Variants in CRPPA observed in about 807,000 individuals in gnomAD.
CRPPA encodes the protein CDP-L-ribitol pyrophosphorylase A.
CRPPA carries 43 observed loss-of-function variants against 52.0 expected under a neutral mutation model. The observed-to-expected ratio is 0.83, with a 90% CI of 0.65 to 1.07. CRPPA has a LOEUF of 1.07. Ranked by LOEUF, CRPPA falls within the 50% of genes least tolerant of loss-of-function variation. CRPPA has a pLI of 0.00. For missense variants in CRPPA, 629 were observed against 551.7 expected (o/e 1.14, Z -1.40); for synonymous variants, 250 against 203.5 (o/e 1.23, Z -1.94).
intron 3 of CRPPA, among the ~76,000 whole-genome samples, chr7:16,352,624 A>C (rs576601869): frequency 5.9e-5 from 9 of 152,310 alleles, no homozygotes; most frequent in Middle Eastern, 3.4e-3. Context: ...GGATGTGGCA[A>C]AAAGGGAACC....
intron 9 of CRPPA, among the ~76,000 whole-genome samples, chr7:16,142,109 T>C (rs1394491535): frequency 6.6e-6 from 1 of 152,106 alleles, no homozygotes; most frequent in Non-Finnish European, 1.5e-5. Flanking sequence ...CTAAGAGACA[T>C]AAACAAGAAC....
intron 2 of CRPPA, among the ~76,000 whole-genome samples, chr7:16,395,212 A>G (rs565822276): frequency 2.0e-5 from 3 of 152,274 alleles, no homozygotes; most frequent in African/African-American, 4.8e-5. Flanking sequence ...TCTCAAGCTA[A>G]TCTATCACCA....
At chr7:16,326,177 T>C (rs1785384747) in intron 3 of CRPPA, among the ~76,000 whole-genome samples, 1 of 152,160 alleles carries the variant, frequency 6.6e-6, no homozygotes, top group Non-Finnish European at 1.5e-5. Context: ...TAATAAATAT[T>C]TCCTCAGTGT....
intron 3 of CRPPA, among the ~76,000 whole-genome samples, chr7:16,368,805 C>A (rs773914603): frequency 6.6e-6 from 1 of 152,086 alleles, no homozygotes; most frequent in Non-Finnish European, 1.5e-5. Flanking sequence ...AAATCACCAA[C>A]CTTACACACG....
At chr7:16,372,265 G>A (rs1405440092) in intron 3 of CRPPA, among the ~76,000 whole-genome samples, 1 of 152,078 alleles carries the variant, frequency 6.6e-6, no homozygotes, top group Admixed American at 6.6e-5. Context: ...CTAACGTCAA[G>A]ACAAATGAAA....
chr7:16,170,110 T>C lies in CRPPA; in HGVS notation c.1251+45956A>G, dbSNP rs1268114926. On this transcript the variant is annotated intron_variant, in intron 9 of 9. Coordinates refer to ENST00000407010, the MANE Select transcript of CRPPA (RefSeq NM_001101426.4). ...TATAAACAAATAAAATATAGAAGTA[T>C]AAATCATAATCCAAAAGTAGGATGT... Among the ~76,000 whole-genome samples, 4 of 152,338 alleles carry C rather than the reference T, an allele frequency of 2.6e-5. 1 individual carries two copies. The highest frequency in any genetic ancestry group is 6.8e-3 in the Middle Eastern group (2 of 294).
chr7:16,121,884 T>C (rs1010994540), intron 9 of CRPPA, among the ~76,000 whole-genome samples: 2 of 152,116 alleles, frequency 1.3e-5, no homozygotes, highest in Admixed American at 6.6e-5. Context: ...CCTGGCAGGA[T>C]CTGTTTTATA....
intron 9 of CRPPA, among the ~76,000 whole-genome samples, chr7:16,176,530 G>A (rs1007133663): frequency 2.0e-5 from 3 of 152,144 alleles, no homozygotes; most frequent in Non-Finnish European, 2.9e-5. Context: ...AAGTGCTATT[G>A]TAGGCATGAA....
At chr7:16,119,599 C>T (rs1185005671) in intron 9 of CRPPA, among the ~76,000 whole-genome samples, 3 of 152,082 alleles carry the variant, frequency 2.0e-5, no homozygotes, top group African/African-American at 7.2e-5. Context: ...AACAGTCATA[C>T]CTAAAACACA....
At chr7:16,384,580 C>G (rs1001786269) in intron 2 of CRPPA, among the ~76,000 whole-genome samples, 1 of 152,172 alleles carries the variant, frequency 6.6e-6, no homozygotes, top group Non-Finnish European at 1.5e-5. Context: ...CAAAGGCAGA[C>G]AATATAATAG....
chr7:16,418,424 T>G (rs1788246372), intron 1 of CRPPA, among the ~76,000 whole-genome samples: 1 of 152,082 alleles, frequency 6.6e-6, no homozygotes. Flanking sequence ...TAAAAGTGAG[T>G]GTATTAGTCT....
chr7:16,318,853 G>T (rs943010189), intron 3 of CRPPA, among the ~76,000 whole-genome samples: 14 of 152,148 alleles, frequency 9.2e-5, no homozygotes, highest in African/African-American at 3.4e-4. Flanking sequence ...GCCACTGCAA[G>T]GGCACAAAAG....
chr7:16,402,658 T>C (rs188925999), intron 2 of CRPPA, among the ~76,000 whole-genome samples: 5 of 151,622 alleles, frequency 3.3e-5, no homozygotes, highest in Admixed American at 3.3e-4. Context: ...AATTTTTAAA[T>C]GTTTGTTTTA....
chr7:16,419,038 A>G (rs1436635301), intron 1 of CRPPA, among the ~76,000 whole-genome samples: 2 of 152,216 alleles, frequency 1.3e-5, no homozygotes, highest in Admixed American at 6.5e-5. Context: ...TGTTGTCACA[A>G]TGTTCATGGC....
intron 3 of CRPPA, among the ~76,000 whole-genome samples, chr7:16,343,826 G>A (rs1304027883): frequency 6.6e-6 from 1 of 152,162 alleles, no homozygotes; most frequent in Non-Finnish European, 1.5e-5. Flanking sequence ...ATGACCACGT[G>A]TCTCTGCACA....
At chr7:16,417,388 C>T (rs1051451508) in intron 1 of CRPPA, among the ~76,000 whole-genome samples, 4 of 152,166 alleles carry the variant, frequency 2.6e-5, no homozygotes, top group African/African-American at 9.7e-5. Flanking sequence ...AGGGAATCAA[C>T]CTAGGTGCCC....
chr7:16,309,592 T>G (rs1784991286), intron 3 of CRPPA, among the ~76,000 whole-genome samples: 1 of 152,138 alleles, frequency 6.6e-6, no homozygotes, highest in African/African-American at 2.4e-5. Context: ...TTTGAGACAT[T>G]TGGTAGACTA....
chr7:16,325,129 T>C (rs910366018), intron 3 of CRPPA, among the ~76,000 whole-genome samples: 6 of 152,226 alleles, frequency 3.9e-5, no homozygotes, highest in African/African-American at 1.4e-4. Context: ...TGACTTATAA[T>C]CTGGATGAAC....
chr7:16,379,470 T>C (rs1296834803), intron 2 of CRPPA, among the ~76,000 whole-genome samples: 3 of 152,182 alleles, frequency 2.0e-5, no homozygotes, highest in East Asian at 1.9e-4. Flanking sequence ...CTTGGCAATG[T>C]GGGCTCTTTT....
Sources: allele counts gnomAD v4.1 joint callset (sites outside exome capture counted in the v4.1 genomes callset), GRCh38; gene constraint gnomAD v4.1.1; transcripts MANE v1.5; gene names NCBI Gene and HGNC (gene_info 2026-07-23, HGNC 2026-07-21).